Variants in ZNF511 observed in about 807,000 individuals in gnomAD.
The protein encoded by ZNF511 is zinc finger protein 511.
Under a neutral mutation model 24.8 loss-of-function variants are expected in ZNF511, and 26 were observed. The observed-to-expected ratio is 1.05, with a 90% CI of 0.77 to 1.46. The LOEUF (loss-of-function observed/expected upper bound fraction) is 1.46, where lower values mean the gene tolerates loss of function less well. Among genes scored for constraint, ZNF511 ranks in the 40% most tolerant of loss-of-function variants. ZNF511 has a pLI of 0.00. For missense variants in ZNF511, 358 were observed against 345.0 expected, an observed-to-expected ratio of 1.04 and a Z score of -0.30; for synonymous variants, 144 against 139.6, an observed-to-expected ratio of 1.03 and a Z score of -0.22.
chr10:133,312,974 C>T lies in ZNF511; in HGVS notation c.*108C>T. On this transcript the variant is annotated 3_prime_UTR_variant, in exon 6 of 6. Transcript: ENST00000361518. Reference sequence around the variant, plus strand: ...GCCGCCCTGGGGGCCAGGCCCTCGCCATCCTCCCCATCCTTGTTCCTCAGC... The same window carrying T: ...GCCGCCCTGGGGGCCAGGCCCTCGCTATCCTCCCCATCCTTGTTCCTCAGC... 6.4e-7 allele frequency: 1 copy of T among 1,561,516 alleles called. No individual in the cohort carries two copies. Among genetic ancestry groups the T allele is most frequent in the Non-Finnish European group, 8.6e-7 (1 of 1,156,736 alleles).
intron 4 of ZNF511, among the ~76,000 whole-genome samples, chr10:133,310,813 T>C (rs1351495845): frequency 2.0e-5 from 3 of 152,170 alleles, no homozygotes; most frequent in Non-Finnish European, 4.4e-5. Context: ...AATCTTTTTT[T>C]TTTTTTGAGA....
At chr10:133,312,557 C>G (rs1848015278) in intron 5 of ZNF511, 1 of 1,412,470 alleles carries the variant, frequency 7.1e-7, no homozygotes, top group East Asian at 2.6e-5. Context: ...GAGCCGCCCT[C>G]TCTGCGGAGT....
chr10:133,311,913 G>C (rs1440665735), intron 5 of ZNF511, 72 bp downstream of exon 5: 2 of 1,613,150 alleles, frequency 1.2e-6, no homozygotes, highest in Non-Finnish European at 1.7e-6. Flanking sequence ...GGCTGCACCT[G>C]GGCCGCAGCT....
chr10:133,311,873 C>A (rs374152367), intron 5 of ZNF511, 32 bp downstream of exon 5: 3 of 1,613,316 alleles, frequency 1.9e-6, no homozygotes, highest in Non-Finnish European at 2.5e-6. Context: ...GAAACCCGTT[C>A]TCAACATGTG....
Position 133,310,171 on chromosome 10 carries a change from G to T in ZNF511, c.437G>T (p.Cys146Phe), listed in dbSNP as rs1847957215. 6.2e-7 allele frequency: 1 copy of T among 1,613,812 alleles called. No homozygotes were observed. Among genetic ancestry groups the T allele is most frequent in the African/African-American group, 1.3e-5 (1 of 74,936 alleles). ...ACACGGTCTCCATTTCAGTATCAGTGCTTGGTAGAAGGCTGCACAGAGAAG... is the reference window on the plus strand; with the variant it reads ...ACACGGTCTCCATTTCAGTATCAGTTCTTGGTAGAAGGCTGCACAGAGAAG... ...ILSERQDMYQ[C>F]LVEGCTEKFK... Residue 146 changes from cysteine to phenylalanine, a missense_variant, in exon 4 of 6, where the codon TGC becomes TTC. Cys to Phe is a radical substitution (Grantham distance 205). Transcript: ENST00000361518.
At chr10:133,309,197 G>GGGCGGGGCCGGAGCCTGGGACA in intron 1 of ZNF511, 101 bp downstream of exon 1, 1 of 1,373,938 alleles carries the variant, frequency 7.3e-7, no homozygotes, top group Non-Finnish European at 9.6e-7. Flanking sequence ...TACGACTGCG[G>GGGCGGGGCCGGAGCCTGGGACA]GGCGGGGCCG....
chr10:133,311,531 C>T lies in ZNF511; in HGVS notation c.555-185C>T, dbSNP rs866862601. ...CAGACTCTATTATATAAACAATGGCCTTGCTGTAATCATTCTCCTTTTCCC... is the reference window on the plus strand; with the variant it reads ...CAGACTCTATTATATAAACAATGGCTTTGCTGTAATCATTCTCCTTTTCCC... On this transcript the variant is annotated intron_variant, in intron 4 of 5. Coordinates refer to ENST00000361518, the MANE Select transcript of ZNF511 (RefSeq NM_145806.4). 6 of 582,148 alleles carry T rather than the reference C, an allele frequency of 1.0e-5. 1 individual carries two copies. The highest frequency in any genetic ancestry group is 4.4e-5 in the South Asian group (2 of 45,258). The allele number at this position is 582,148 out of a possible 1,614,324, so 36.1% of individuals were successfully genotyped here.
At position 133,310,251 on chromosome 10, in the gene ZNF511, G is replaced by A. The variant is rs776627133; in HGVS notation, c.517G>A (p.Ala173Thr). Reference sequence around the variant, plus strand: ...CATGGTGAGGATGCACCTGTACCCCGCGGACTTCCGGTTTGATAAGCCAAA... The same window carrying A: ...CATGGTGAGGATGCACCTGTACCCCACGGACTTCCGGTTTGATAAGCCAAA... ...DHMVRMHLYP[A>T]DFRFDKPKKS... Residue 173 changes from alanine (A) to threonine (T), a missense_variant, in exon 4 of 6, where the codon GCG (alanine) becomes ACG (threonine). Physicochemically the swap from Ala to Thr is moderately conservative, Grantham distance 58. Transcript: ENST00000361518. 9 of 1,613,902 alleles carry A rather than the reference G, an allele frequency of 5.6e-6. No homozygotes were observed. Among genetic ancestry groups the A allele is most frequent in the Admixed American group, 1.7e-5 (1 of 60,014 alleles).
In ZNF511 at chr10:133,313,096, T is replaced by G; in HGVS notation, c.*230T>G. On this transcript the variant is annotated 3_prime_UTR_variant, in exon 6 of 6. Transcript: ENST00000361518. ...TTGGGAAGGAGATGTGGACGGCCTG[T>G]CTCCTCCTGCAGGGCCCACCCTAAG... is the stretch of plus-strand genomic sequence containing the variant. 1 of 1,137,782 alleles carries G rather than the reference T, an allele frequency of 8.8e-7. No individual in the cohort carries two copies. Among genetic ancestry groups the G allele is most frequent in the Non-Finnish European group, 1.2e-6 (1 of 844,190 alleles). 70.5% of individuals were successfully genotyped at this position (1,137,782 alleles called of 1,614,324 possible). A position where few individuals can be genotyped will look rare whatever the true frequency, so the allele number is the denominator to read the frequency against.
rs556799110 is a variant in ZNF511 at position 133,310,232 on chromosome 10, G to A, written c.498G>A (p.Val166=). Residue 166 remains valine, a synonymous_variant, in exon 4 of 6, where the codon GTG becomes GTA. Coordinates refer to ENST00000361518, the MANE Select transcript of ZNF511 (RefSeq NM_145806.4). ...KTSRDRKDHM[V]RMHLYPADFR... is the part of the protein sequence containing the mutation. ...GCAGAGACCGGAAGGATCACATGGTGAGGATGCACCTGTACCCCGCGGACT... is the reference window on the plus strand; with the variant it reads ...GCAGAGACCGGAAGGATCACATGGTAAGGATGCACCTGTACCCCGCGGACT... 1 of 1,614,072 alleles carries A rather than the reference G, an allele frequency of 6.2e-7. No individual in the cohort carries two copies. Among genetic ancestry groups the A allele is most frequent in the African/African-American group, 1.3e-5 (1 of 75,068 alleles).
chr10:133,309,470 G>T lies in ZNF511; in HGVS notation c.227+7G>T. On this transcript the variant is annotated splice_region_variant and intron_variant, in intron 2 of 5. Transcript: ENST00000361518. ...ACGTGCCTGAGAAGCCCAGGTAAGC[G>T]AATGGGCAGTGCCTAGCCAGTGCTA... 2 of 1,611,320 alleles carry T rather than the reference G, an allele frequency of 1.2e-6. No homozygotes were observed. Among genetic ancestry groups the T allele is most frequent in the South Asian group, 1.1e-5 (1 of 90,856 alleles).
intron 1 of ZNF511, 78 bp downstream of exon 1, chr10:133,309,174 A>C (rs1441529588): frequency 5.3e-6 from 7 of 1,329,884 alleles, no homozygotes; most frequent in Non-Finnish European, 5.8e-6. Context: ...CGGAGCCTGG[A>C]GTGGGAGGGG....
At position 133,309,080 on chromosome 10, in the gene ZNF511, A is replaced by T; in HGVS notation, c.137A>T (p.Glu46Val). 1 of 1,301,800 alleles carries T rather than the reference A, an allele frequency of 7.7e-7. No individual in the cohort carries two copies. The highest frequency in any genetic ancestry group is 1.5e-5 in the African/African-American group (1 of 65,846). 80.6% of individuals were successfully genotyped at this position (1,301,800 alleles called of 1,614,324 possible). The change falls in exon 1 of 6, where the codon GAG (glutamate) becomes GTG (valine). Residue 46 changes from glutamate (E) to valine (V), a missense_variant. Transcript: ENST00000361518. ...GCGCGCCCCGTGCGCTTCCCGCGGG[A>T]GCACCAGTTCTTCGAGGTGCGTGAG... is the stretch of plus-strand genomic sequence containing the variant. ...FVARPVRFPR[E>V]HQFFEDGDVQ... is the part of the protein sequence containing the mutation.
At position 133,309,398 on chromosome 10, in the gene ZNF511, C is replaced by A; in HGVS notation, c.162C>A (p.Asp54Glu). 1 of 1,611,724 alleles carries A rather than the reference C, an allele frequency of 6.2e-7. No homozygotes were observed. The highest frequency in any genetic ancestry group is 1.7e-5 in the Admixed American group (1 of 59,982). Residue 54 changes from aspartate (D) to glutamate (E), a missense_variant, in exon 2 of 6, where the codon GAC (aspartate) becomes GAA (glutamate). Physicochemically the swap from Asp to Glu is conservative, Grantham distance 45. Transcript: ENST00000361518. ...GCGCACTTTTCCTGCAGGATGGGGA[C>A]GTGCAGCGCCACCTCTACCTCCAGG... ...PREHQFFEDG[D>E]VQRHLYLQDV...
In ZNF511 at chr10:133,311,226, C is replaced by A. The variant is rs544643077; in HGVS notation, c.555-490C>A. The stretch of plus-strand genomic sequence containing the variant: ...CTACATTTTCTCAAGTAGTAATTTG[C>A]TCTTTAAAATAAAAGAACTGGGAGA... On this transcript the variant is annotated intron_variant, in intron 4 of 5. Coordinates refer to ENST00000361518, the MANE Select transcript of ZNF511 (RefSeq NM_145806.4). 6.6e-5 allele frequency among the ~76,000 whole-genome samples: 10 copies of A among 152,300 alleles called. No individual in the cohort carries two copies. The South Asian group carries it at 1.9e-3, about 28-fold the overall frequency.
At chr10:133,310,029 C>G (rs1226366960) in intron 3 of ZNF511, 52 bp downstream of exon 3, 3 of 1,609,934 alleles carry the variant, frequency 1.9e-6, no homozygotes, top group Non-Finnish European at 2.5e-6. Context: ...GTGATGGGCT[C>G]AGAGTGCTGC....
At chr10:133,309,121 G>C (rs756902688) in intron 1 of ZNF511, 25 bp downstream of exon 1, 9 of 1,348,342 alleles carry the variant, frequency 6.7e-6, no homozygotes, top group Middle Eastern at 4.5e-4. Context: ...GAGGGAAAAA[G>C]TAGTTGTAGG....
At position 133,309,048 on chromosome 10, in the gene ZNF511, C is replaced by T; in HGVS notation, c.105C>T (p.Arg35=). 1 of 1,278,260 alleles carries T rather than the reference C, an allele frequency of 7.8e-7. No individual in the cohort carries two copies. The highest frequency in any genetic ancestry group is 9.9e-7 in the Non-Finnish European group (1 of 1,006,958). 79.2% of individuals were successfully genotyped at this position (1,278,260 alleles called of 1,614,324 possible). Residue 35 remains arginine, a synonymous_variant, in exon 1 of 6, where the codon CGC becomes CGT. Transcript: ENST00000361518. ...RDPAAGAAPF[R]FVARPVRFPR... ...CCGCGGCTGGGGCCGCGCCCTTTCG[C>T]TTCGTTGCGCGCCCCGTGCGCTTCC... is the stretch of plus-strand genomic sequence containing the variant.
At position 133,310,212 on chromosome 10, in the gene ZNF511, G is replaced by A. The variant is rs199668244; in HGVS notation, c.478G>A (p.Asp160Asn). ...CACAGAGAAGTTCAAGACCAGCAGA[G>A]ACCGGAAGGATCACATGGTGAGGAT... ...GCTEKFKTSR[D>N]RKDHMVRMHL... Residue 160 changes from aspartate to asparagine, a missense_variant, in exon 4 of 6, where the codon GAC (aspartate) becomes AAC (asparagine). Physicochemically the swap from Asp to Asn is conservative, Grantham distance 23. Coordinates refer to ENST00000361518, the MANE Select transcript of ZNF511 (RefSeq NM_145806.4). The A allele has an allele frequency of 1.6e-4, 255 of 1,613,958 alleles. No individual in the cohort carries two copies. The highest frequency in any genetic ancestry group is 4.2e-4 in the Admixed American group (25 of 60,010).
Sources: allele counts gnomAD v4.1 joint callset (sites outside exome capture counted in the v4.1 genomes callset), GRCh38; gene constraint gnomAD v4.1.1; transcripts MANE v1.5; gene names NCBI Gene and HGNC (gene_info 2026-07-23, HGNC 2026-07-21).